ASMTL: variants seen among roughly 807,000 people sequenced by gnomAD.
ASMTL encodes probable bifunctional dTTP/UTP pyrophosphatase/methyltransferase protein.
ASMTL carries 57 observed loss-of-function variants against 60.3 expected under a neutral mutation model. The ratio of observed to expected loss-of-function variants is 0.95; its 90% CI spans 0.76 to 1.18. The LOEUF is 1.18. Among genes scored for constraint, ASMTL ranks in the 50% most tolerant of loss-of-function variants. The probability of loss-of-function intolerance (pLI) is 0.00; values close to 1 mark genes in which losing one functional copy is unlikely to be tolerated. For missense variants in ASMTL, 981 were observed against 852.6 expected (o/e 1.15, Z -1.88); for synonymous variants, 419 against 373.0 (o/e 1.12, Z -1.42).
At chrX:1,433,556 C>CT (rs1569533983) in intron 5 of ASMTL, among the ~76,000 whole-genome samples, 3 of 148,328 alleles carry the variant, frequency 2.0e-5, no homozygotes, top group East Asian at 4.0e-4. Context: ...GTGGCGGGCC[C>CT]GTCGTCCCAG....
At chrX:1,417,088 G>C (rs2090311569) in intron 11 of ASMTL, among the ~76,000 whole-genome samples, 1 of 150,410 alleles carries the variant, frequency 6.6e-6, no homozygotes, top group African/African-American at 2.5e-5. Context: ...CATGCACATA[G>C]ATGCAGACAC....
intron 10 of ASMTL, 27 bp from the exon 11 acceptor site, chrX:1,418,143 T>C: frequency 6.4e-7 from 1 of 1,570,678 alleles, no homozygotes; most frequent in South Asian, 1.2e-5. Flanking sequence ...GCATGCTCTG[T>C]GGCTGGGTCG....
chrX:1,428,220 T>A (rs1412105514), intron 6 of ASMTL, 99 bp from the exon 7 acceptor site: 1 of 1,434,924 alleles, frequency 7.0e-7, no homozygotes, highest in Non-Finnish European at 9.3e-7. Context: ...GATCACGAGG[T>A]CGGGAGATCG....
chrX:1,426,211 C>T (rs1260547080), intron 7 of ASMTL, among the ~76,000 whole-genome samples: 6 of 152,100 alleles, frequency 3.9e-5, no homozygotes, highest in African/African-American at 7.2e-5. Flanking sequence ...CCTGCCCACA[C>T]GTTGATCTTG....
At chrX:1,426,722 G>A (rs5949086) in intron 7 of ASMTL, among the ~76,000 whole-genome samples, 98,459 of 151,984 alleles carry the variant, frequency 0.65, 32,790 homozygotes, top group East Asian at 0.83. Context: ...GCTTGGTGGT[G>A]GGCGCCTGTA....
intron 1 of ASMTL, among the ~76,000 whole-genome samples, chrX:1,446,071 A>G (rs1164213815): frequency 6.6e-6 from 1 of 152,190 alleles, no homozygotes; most frequent in Admixed American, 6.5e-5. Flanking sequence ...GTCCGCCTTC[A>G]TGTTCCATCC....
chrX:1,434,188 C>T (rs1298403087), intron 5 of ASMTL, among the ~76,000 whole-genome samples: 8 of 152,132 alleles, frequency 5.3e-5, no homozygotes, highest in Non-Finnish European at 1.0e-4. Context: ...CTGGGCCGGG[C>T]ACCGTGGTGC....
In ASMTL at chrX:1,431,301, T is replaced by C. The variant is rs1237136807; in HGVS notation, c.509+968A>G. On this transcript the variant is annotated intron_variant, in intron 6 of 12. Transcript: ENST00000381317. Reference sequence around the variant, plus strand: ...TATAAATAAAATTAAATATATAAAATATATAAAATTATATATTTTATATAT... The same window carrying C: ...TATAAATAAAATTAAATATATAAAACATATAAAATTATATATTTTATATAT... 3.1e-5 allele frequency among the ~76,000 whole-genome samples: 4 copies of C among 130,614 alleles called. No homozygotes were observed. The East Asian group carries it at 8.6e-4, about 28-fold the overall frequency. The allele number at this position is 130,614 out of a possible 152,430, so 85.7% of individuals were successfully genotyped here. A position where few individuals can be genotyped will look rare whatever the true frequency, so the allele number is the denominator to read the frequency against.
chrX:1,427,635 TG>T, intron 7 of ASMTL, 98 bp downstream of exon 7: 1 of 1,336,884 alleles, frequency 7.5e-7, no homozygotes, highest in Middle Eastern at 2.5e-4. Flanking sequence ...GACCTCAGAC[TG>T]CCAGCCTCCA....
intron 6 of ASMTL, among the ~76,000 whole-genome samples, chrX:1,431,095 A>G (rs1354712596): frequency 8.1e-6 from 1 of 123,674 alleles, no homozygotes; most frequent in African/African-American, 3.4e-5. Flanking sequence ...TATATTATAT[A>G]AATATATAAT....
In ASMTL at chrX:1,419,194, A is replaced by C; in HGVS notation, c.1246-80T>G. 1.9e-6 allele frequency: 3 copies of C among 1,541,656 alleles called. No individual in the cohort carries two copies. In the South Asian group the frequency reaches 3.5e-5, roughly 18 times the overall value. On this transcript the variant is annotated intron_variant, in intron 9 of 12. Coordinates refer to ENST00000381317, the MANE Select transcript of ASMTL (RefSeq NM_004192.4). ...CAGCCTCTCCCTGGGGGTCGGGGGG[A>C]GAAGTGCAGGGCTCCAGAGCGTGGG... is the stretch of plus-strand genomic sequence containing the variant.
Position 1,428,046 on chromosome X carries a change from G to C in ASMTL, c.585C>G (p.Asn195Lys), listed in dbSNP as rs759244442. 1.1e-5 allele frequency: 17 copies of C among 1,613,708 alleles called. No individual in the cohort carries two copies. The highest frequency in any genetic ancestry group is 1.4e-5 in the Non-Finnish European group (17 of 1,179,850). Reference sequence around the variant, plus strand: ...AGTGGTTCAGCGGGAATCCCACCACGTTCAGAAAGTCCCCGTGTACGGACT... The same window carrying C: ...AGTGGTTCAGCGGGAATCCCACCACCTTCAGAAAGTCCCCGTGTACGGACT... The part of the protein sequence containing the change: ...LVESVHGDFL[N>K]VVGFPLNHFC... The change falls in exon 7 of 13, where the codon AAC becomes AAG. Residue 195 changes from asparagine (N) to lysine (K), a missense_variant. Transcript: ENST00000381317.
intron 6 of ASMTL, among the ~76,000 whole-genome samples, chrX:1,428,762 TTG>T (rs750546190): frequency 7.5e-5 from 11 of 145,864 alleles, no homozygotes; most frequent in East Asian, 2.0e-4. Flanking sequence ...CATCTACGAA[TTG>T]TGTGTGTGTG....
intron 5 of ASMTL, among the ~76,000 whole-genome samples, chrX:1,433,676 T>C (rs1485233058): frequency 1.5e-4 from 22 of 150,534 alleles, no homozygotes; most frequent in Admixed American, 5.3e-4. Context: ...CGAGACTCTG[T>C]CACAAAAAAG....
At position 1,417,543 on chromosome X, in the gene ASMTL, A is replaced by G. The variant is rs1159294814; in HGVS notation, c.1522+430T>C. On this transcript the variant is annotated intron_variant, in intron 11 of 12. Transcript: ENST00000381317. ...GACATGCACACACACACACATGCAC[A>G]CAGACACACAAGCACGACAGTCATA... is the stretch of plus-strand genomic sequence containing the variant. Among the ~76,000 whole-genome samples, 30 of 110,144 alleles carry G rather than the reference A, an allele frequency of 2.7e-4. 1 individual carries two copies. Among genetic ancestry groups the G allele is most frequent in the African/African-American group, 8.3e-4 (28 of 33,932 alleles). 72.3% of individuals were successfully genotyped at this position (110,144 alleles called of 152,430 possible).
chrX:1,437,980 G>C (rs1164979565), intron 3 of ASMTL, among the ~76,000 whole-genome samples: 1 of 150,724 alleles, frequency 6.6e-6, no homozygotes, highest in Non-Finnish European at 1.5e-5. Context: ...TTTATGAGTG[G>C]TGTTGTTAAA....
intron 10 of ASMTL, 66 bp from the exon 11 acceptor site, chrX:1,418,182 C>T (rs1461377821): frequency 4.0e-6 from 6 of 1,507,498 alleles, no homozygotes; most frequent in Non-Finnish European, 4.5e-6. Flanking sequence ...CTCTCCAAAG[C>T]TCAACTGGGG....
At chrX:1,428,152 A>C (rs761551235) in intron 6 of ASMTL, 31 bp from the exon 7 acceptor site, 1 of 1,572,494 alleles carries the variant, frequency 6.4e-7, no homozygotes. Context: ...AAGAGGTGAC[A>C]AGGAGGAGAA....
At position 1,421,756 on chromosome X, in the gene ASMTL, G is replaced by A; in HGVS notation, c.1147C>T (p.Leu383Phe). 1 of 1,613,880 alleles carries A rather than the reference G, an allele frequency of 6.2e-7. No homozygotes were observed. Among genetic ancestry groups the A allele is most frequent in the Non-Finnish European group, 8.5e-7 (1 of 1,179,830 alleles). Residue 383 changes from leucine to phenylalanine, a missense_variant, in exon 9 of 13, where the codon CTC becomes TTC. Coordinates refer to ENST00000381317, the MANE Select transcript of ASMTL (RefSeq NM_004192.4). ...AGGTATGTAAAGAGGTTCCATGTGA[G>A]GTCATTATTGTGCATGATGAAGCCG... is the stretch of plus-strand genomic sequence containing the variant. The part of the protein sequence containing the change: ...LHGFIMHNND[L>F]TWNLFTYLEF...
Sources: gnomAD v4.1 joint callset for allele counts (sites outside exome capture counted in the v4.1 genomes callset) on GRCh38, gnomAD v4.1.1 for gene constraint, MANE v1.5 for transcripts, NCBI Gene and HGNC (gene_info 2026-07-23, HGNC 2026-07-21) for gene names.